AMD1: variants seen among roughly 807,000 people sequenced by gnomAD.
AMD1 encodes the protein S-adenosylmethionine decarboxylase proenzyme.
A neutral mutation model predicts 40.2 loss-of-function variants in AMD1; 11 were observed. The observed-to-expected ratio is 0.27, with a 90% CI of 0.17 to 0.45. The LOEUF (loss-of-function observed/expected upper bound fraction) is 0.45. Among genes scored for constraint, AMD1 ranks in the 20% least tolerant of loss-of-function variants. The probability of loss-of-function intolerance (pLI) is 1.00; values close to 1 mark genes in which losing one functional copy is unlikely to be tolerated. For synonymous variants in AMD1, 121 were observed against 130.8 expected (o/e 0.93, Z 0.51); for missense variants, 257 against 410.2 (o/e 0.63, Z 3.23).
At chr6:110,842,993 C>T in the AMD1 span, among the ~76,000 whole-genome samples, 2 of 151,914 alleles carry the variant, frequency 1.3e-5, no homozygotes, top group Admixed American at 6.6e-5. Context: ...ATTAGCCGGG[C>T]ATGGTGGTGG....
the AMD1 span, among the ~76,000 whole-genome samples, chr6:110,828,324 C>G: frequency 1.3e-5 from 2 of 151,700 alleles, no homozygotes; most frequent in East Asian, 1.9e-4. Context: ...TCCACCTACT[C>G]GGGAGGCTGA....
At chr6:110,837,745 A>AATATATATATATATATATATATATATAT in the AMD1 span, among the ~76,000 whole-genome samples, 1 of 17,834 alleles carries the variant, frequency 5.6e-5, no homozygotes, top group African/African-American at 2.3e-4. Flanking sequence ...AAAAAAAAAA[A>AATATATATATATATATATATATATATAT]ATATATATAT....
chr6:110,834,281 G>A, the AMD1 span, among the ~76,000 whole-genome samples: 1 of 152,264 alleles, frequency 6.6e-6, no homozygotes, highest in East Asian at 1.9e-4. Context: ...CCAGGCTGCA[G>A]TGAACTATGA....
the AMD1 span, among the ~76,000 whole-genome samples, chr6:110,817,177 A>G: frequency 6.6e-6 from 1 of 152,218 alleles, no homozygotes; most frequent in South Asian, 2.1e-4. Flanking sequence ...GGAATTGTCA[A>G]TTCTACCCAA....
the AMD1 span, among the ~76,000 whole-genome samples, chr6:110,820,888 C>T: frequency 6.6e-6 from 1 of 152,082 alleles, no homozygotes; most frequent in Non-Finnish European, 1.5e-5. Context: ...CACAGCACTC[C>T]AGCCTGGGCA....
At chr6:110,831,816 C>T in the AMD1 span, among the ~76,000 whole-genome samples, 1 of 152,048 alleles carries the variant, frequency 6.6e-6, no homozygotes, top group Non-Finnish European at 1.5e-5. Context: ...AAGAGAAAAT[C>T]AACTGTTTTA....
At chr6:110,858,091 A>G in the AMD1 span, 1 of 462,620 alleles carries the variant, frequency 2.2e-6, no homozygotes, top group South Asian at 2.2e-5. Context: ...TGATCCTCCC[A>G]TCTTGGCCTC....
chr6:110,836,565 G>T, the AMD1 span, among the ~76,000 whole-genome samples: 2 of 152,024 alleles, frequency 1.3e-5, no homozygotes, highest in Admixed American at 1.3e-4. Context: ...TTTGTTTCAA[G>T]CTCTTAGGAA....
At position 110,874,828 on chromosome 6, in the gene AMD1, C is replaced by T. The variant is rs954982740; in HGVS notation, c.-278C>T. On this transcript the variant is annotated 5_prime_UTR_variant, in exon 1 of 9. Coordinates refer to ENST00000368885, the MANE Select transcript of AMD1 (RefSeq NM_001634.6). Reference sequence around the variant, plus strand: ...GCGACATTAGCTAGCGCTCGCTCTACTCTCTCTAACGGGAAAGCAGCGGAA... The same window carrying T: ...GCGACATTAGCTAGCGCTCGCTCTATTCTCTCTAACGGGAAAGCAGCGGAA... The T allele has an allele frequency of 2.8e-6, 1 of 362,574 alleles. No homozygotes were observed. The highest frequency in any genetic ancestry group is 5.1e-6 in the Non-Finnish European group (1 of 197,442). 22.5% of individuals were successfully genotyped at this position (362,574 alleles called of 1,614,324 possible). A position where few individuals can be genotyped will look rare whatever the true frequency, so the allele number is the denominator to read the frequency against.
the AMD1 span, among the ~76,000 whole-genome samples, chr6:110,837,745 A>AATATATATATATATATATATATATAT: frequency 5.6e-5 from 1 of 17,838 alleles, no homozygotes; most frequent in African/African-American, 2.3e-4. Context: ...AAAAAAAAAA[A>AATATATATATATATATATATATATAT]ATATATATAT....
At chr6:110,825,411 C>T in the AMD1 span, among the ~76,000 whole-genome samples, 10 of 152,182 alleles carry the variant, frequency 6.6e-5, no homozygotes, top group Non-Finnish European at 1.2e-4. Flanking sequence ...CTGAAACATT[C>T]CATCCTCTTT....
At chr6:110,847,865 C>A in the AMD1 span, among the ~76,000 whole-genome samples, 1 of 151,558 alleles carries the variant, frequency 6.6e-6, no homozygotes. Context: ...GTGCACACCA[C>A]CATGCCCAGC....
chr6:110,876,005 C>T (rs1341964923), intron 1 of AMD1, among the ~76,000 whole-genome samples: 2 of 151,996 alleles, frequency 1.3e-5, no homozygotes, highest in Admixed American at 6.5e-5. Flanking sequence ...ACGGAGCCGG[C>T]GGAGCGGGGC....
chr6:110,878,190 C>T (rs1785210822), intron 1 of AMD1, among the ~76,000 whole-genome samples: 1 of 152,106 alleles, frequency 6.6e-6, no homozygotes, highest in Non-Finnish European at 1.5e-5. Flanking sequence ...AACATACTTC[C>T]CTCGGTTTTC....
At chr6:110,878,163 G>T (rs1041457557) in intron 1 of AMD1, among the ~76,000 whole-genome samples, 5 of 152,138 alleles carry the variant, frequency 3.3e-5, no homozygotes, top group African/African-American at 1.2e-4. Context: ...CTTTTTTCAC[G>T]CATTCTTCTG....
At chr6:110,871,947 T>C (rs1784925373), upstream of AMD1, among the ~76,000 whole-genome samples, 1 of 152,110 alleles carries the variant, frequency 6.6e-6, no homozygotes. Context: ...ACTGCAGCAT[T>C]GGGAAGAAAA....
the AMD1 span, among the ~76,000 whole-genome samples, chr6:110,833,260 C>T: frequency 1.3e-5 from 2 of 152,168 alleles, no homozygotes; most frequent in African/African-American, 4.8e-5. Context: ...TAAAAGAATG[C>T]TTCAGTTGTC....
In AMD1 at chr6:110,893,755, G is replaced by A. The variant is rs1786167273; in HGVS notation, c.*139G>A. On this transcript the variant is annotated 3_prime_UTR_variant, in exon 9 of 9. Transcript: ENST00000368885. ...AGAAAGCCCTAGATGTAATGATAGT[G>A]TAATCATTTTGAATTGTATGCATTA... The A allele has an allele frequency of 9.7e-6, 9 of 932,320 alleles. No homozygotes were observed. The highest frequency in any genetic ancestry group is 1.6e-6 in the Non-Finnish European group (1 of 638,922). The allele number at this position is 932,320 out of a possible 1,614,324, so 57.8% of individuals were successfully genotyped here.
chr6:110,869,383 C>T, the AMD1 span, among the ~76,000 whole-genome samples: 10 of 152,238 alleles, frequency 6.6e-5, 1 homozygote, highest in South Asian at 1.4e-3. Context: ...CCGCCCGCCT[C>T]GGCCTCCCAA....
Sources: gnomAD v4.1 joint callset for allele counts (sites outside exome capture counted in the v4.1 genomes callset) on GRCh38, gnomAD v4.1.1 for gene constraint, MANE v1.5 for transcripts, NCBI Gene and HGNC (gene_info 2026-07-23, HGNC 2026-07-21) for gene names.